The following CUX1 variants were observed in gnomAD, a reference collection of about 807,000 sequenced individuals.
CUX1 encodes protein CASP.
In CUX1, 31 loss-of-function variants were observed where a neutral mutation model predicts 158.8. The observed-to-expected ratio is 0.20, with a 90% CI of 0.15 to 0.26. The LOEUF is 0.26. Ranked by LOEUF, CUX1 falls within the 10% of genes least tolerant of loss-of-function variation. The pLI, the probability that CUX1 is intolerant of heterozygous loss-of-function variation, is 1.00. For synonymous variants in CUX1, 879 were observed against 862.1 expected, an observed-to-expected ratio of 1.02 and a Z score of -0.34; for missense variants, 1,589 against 2,014.6, an observed-to-expected ratio of 0.79 and a Z score of 4.04.
intron 8 of CUX1, among the ~76,000 whole-genome samples, chr7:102,124,616 A>C (rs1212001205): frequency 6.6e-6 from 1 of 152,220 alleles, no homozygotes; most frequent in African/African-American, 2.4e-5. Flanking sequence ...TCACTCATGT[A>C]AAACGTTGAT....
chr7:101,963,103 C>G (rs1810713530), intron 2 of CUX1, among the ~76,000 whole-genome samples: 2 of 152,188 alleles, frequency 1.3e-5, no homozygotes, highest in Non-Finnish European at 2.9e-5. Flanking sequence ...TCCTGGTTCC[C>G]CCTGCTGATG....
intron 2 of CUX1, among the ~76,000 whole-genome samples, chr7:101,951,093 G>A (rs924195170): frequency 2.6e-5 from 4 of 152,196 alleles, no homozygotes; most frequent in African/African-American, 9.7e-5. Context: ...ACTTTGGGAG[G>A]CCAATGTGGG....
At chr7:102,001,730 C>T (rs1816717936) in intron 2 of CUX1, among the ~76,000 whole-genome samples, 1 of 152,204 alleles carries the variant, frequency 6.6e-6, no homozygotes, top group African/African-American at 2.4e-5. Flanking sequence ...GATGTTCCTC[C>T]TGGCCATGCA....
Position 102,062,876 on chromosome 7 carries a change from G to A in CUX1, c.190-7463G>A, listed in dbSNP as rs532171668. Among the ~76,000 whole-genome samples the A allele has an allele frequency of 8.4e-4, 128 of 152,206 alleles. 2 individuals are homozygous for A. In the South Asian group the frequency reaches 0.02, roughly 24 times the overall value. ...TCCCAGCACTTTGGGAGGCCGAGGC[G>A]GGCGGATCACCTGAGGTCGGGAGTT... On this transcript the variant is annotated intron_variant, in intron 3 of 23. Coordinates refer to ENST00000292535, the MANE Select transcript of CUX1 (RefSeq NM_181552.4).
chr7:102,141,618 A>C (rs985775922), intron 8 of CUX1, among the ~76,000 whole-genome samples: 20 of 151,948 alleles, frequency 1.3e-4, no homozygotes, highest in African/African-American at 4.8e-4. Flanking sequence ...TGCCTCTGCC[A>C]CCAAAGCTTT....
chr7:101,862,570 T>C (rs1797569935), intron 1 of CUX1, among the ~76,000 whole-genome samples: 3 of 152,192 alleles, frequency 2.0e-5, no homozygotes, highest in African/African-American at 7.2e-5. Flanking sequence ...ACCTGCCCCC[T>C]TTCCTCTGAC....
intron 2 of CUX1, among the ~76,000 whole-genome samples, chr7:101,976,877 T>C: frequency 6.6e-6 from 1 of 150,770 alleles, no homozygotes; most frequent in Non-Finnish European, 1.5e-5. Flanking sequence ...TAACTAGAAT[T>C]TGAATAGTCT....
intron 2 of CUX1, among the ~76,000 whole-genome samples, chr7:101,942,442 A>C (rs1807833690): frequency 6.6e-6 from 1 of 152,200 alleles, no homozygotes. Context: ...TCTACTCCAG[A>C]CCAAAAAACC....
rs148011246 is a variant in CUX1, at chr7:102,244,780, C to T, written c.3888-3632C>T. ...AACATGCCACAGGACACTGCTCTCC[C>T]CTGGAAAAACAGGTCCACCCAGTTA... On this transcript the variant is annotated intron_variant, in intron 23 of 23. Coordinates refer to ENST00000292535, the MANE Select transcript of CUX1 (RefSeq NM_181552.4). Among the ~76,000 whole-genome samples, 45 of 152,262 alleles carry T rather than the reference C, an allele frequency of 3.0e-4. No individual in the cohort carries two copies. The East Asian group carries it at 8.3e-3, about 28-fold the overall frequency.
chr7:102,277,624 A>T (rs1051973419), intron 17 of CUX1, among the ~76,000 whole-genome samples: 1 of 151,962 alleles, frequency 6.6e-6, no homozygotes, highest in Non-Finnish European at 1.5e-5. Context: ...AAATAAAAAT[A>T]AAAAATAAAA....
intron 2 of CUX1, among the ~76,000 whole-genome samples, chr7:101,962,847 A>G (rs561554001): frequency 7.2e-5 from 11 of 152,192 alleles, no homozygotes; most frequent in African/African-American, 2.6e-4. Context: ...CAGCCTCCTG[A>G]GTAGCTGGGA....
At chr7:102,085,094 A>G (rs1827829405) in intron 4 of CUX1, among the ~76,000 whole-genome samples, 1 of 151,846 alleles carries the variant, frequency 6.6e-6, no homozygotes, top group Non-Finnish European at 1.5e-5. Flanking sequence ...GAATTTTCTC[A>G]TATTGTTTTC....
intron 2 of CUX1, among the ~76,000 whole-genome samples, chr7:101,990,362 T>TTATGTTTG (rs1382887108): frequency 6.6e-6 from 1 of 150,604 alleles, no homozygotes; most frequent in African/African-American, 2.4e-5. Context: ...ACCCCATCTC[T>TTATGTTTG]TTTGTTTGTT....
chr7:102,235,796 A>AG (rs1799500044), intron 22 of CUX1, among the ~76,000 whole-genome samples: 1 of 122,662 alleles, frequency 8.2e-6, no homozygotes, highest in Non-Finnish European at 1.6e-5. Flanking sequence ...ACACACACAC[A>AG]CACGCGCACA....
rs35680063 is a variant in CUX1 at position 102,216,885 on chromosome 7, T to TCA, written c.3131-10461_3131-10460dup. 5.8e-3 allele frequency among the ~76,000 whole-genome samples: 873 copies of TCA among 149,606 alleles called. 3 individuals are homozygous for TCA. The highest frequency in any genetic ancestry group is 0.018 in the African/African-American group (716 of 40,468). Reference sequence around the variant, plus strand: ...CACATTCTCTCACACACACATTATCTCACACACACACACACACACACATTT... The same window carrying TCA: ...CACATTCTCTCACACACACATTATCTCACACACACACACACACACACACATTT... On this transcript the variant is annotated intron_variant, in intron 20 of 23. Transcript: ENST00000292535.
intron 1 of CUX1, among the ~76,000 whole-genome samples, chr7:101,832,997 G>C (rs911579237): frequency 2.0e-5 from 3 of 152,240 alleles, no homozygotes; most frequent in Admixed American, 2.0e-4. Flanking sequence ...AGTCTTGCTG[G>C]GAAAGTAACT....
rs1242195935 is a variant in CUX1 at position 102,255,865 on chromosome 7, G to A, written c.*6823G>A. 1.0e-5 allele frequency: 10 copies of A among 983,550 alleles called. No homozygotes were observed. Among genetic ancestry groups the A allele is most frequent in the Admixed American group, 6.2e-5 (1 of 16,180 alleles). The allele number at this position is 983,550 out of a possible 1,614,324, so 60.9% of individuals were successfully genotyped here. On this transcript the variant is annotated 3_prime_UTR_variant, in exon 24 of 24. Coordinates refer to ENST00000292535, the MANE Select transcript of CUX1 (RefSeq NM_181552.4). ...ATTTTTTTTGTACTTTGCTTTAAACGGAAAGCACTTAAATAGATGACTATG... is the reference window on the plus strand; with the variant it reads ...ATTTTTTTTGTACTTTGCTTTAAACAGAAAGCACTTAAATAGATGACTATG...
intron 2 of CUX1, among the ~76,000 whole-genome samples, chr7:101,955,520 C>T (rs975943593): frequency 6.6e-6 from 1 of 152,190 alleles, no homozygotes; most frequent in African/African-American, 2.4e-5. Flanking sequence ...TGATAGCAGG[C>T]ATGCCTGACC....
At chr7:102,067,555 A>T (rs430154) in intron 3 of CUX1, among the ~76,000 whole-genome samples, 123,914 of 148,482 alleles carry the variant, frequency 0.83, 51,741 homozygotes, top group East Asian at 0.99. Flanking sequence ...TTTTTTTTTT[A>T]TATAATTAGG....
Sources: gnomAD v4.1 joint callset for allele counts (sites outside exome capture counted in the v4.1 genomes callset) on GRCh38, gnomAD v4.1.1 for gene constraint, MANE v1.5 for transcripts, NCBI Gene and HGNC (gene_info 2026-07-23, HGNC 2026-07-21) for gene names.